USP46: variants seen among roughly 807,000 people sequenced by gnomAD.
The protein encoded by USP46 is ubiquitin specific peptidase 46.
In USP46, 12 loss-of-function variants were observed where a neutral mutation model predicts 44.4. That is an observed-to-expected ratio of 0.27 (90% CI 0.17 to 0.44). The LOEUF is 0.44. Ranked by LOEUF, USP46 falls within the 20% of genes least tolerant of loss-of-function variation. USP46 has a pLI of 1.00. For synonymous variants in USP46, 155 were observed against 161.5 expected, an observed-to-expected ratio of 0.96 and a Z score of 0.31; for missense variants, 248 against 444.8, an observed-to-expected ratio of 0.56 and a Z score of 3.98.
rs193057282 is a variant in USP46 at position 52,648,253 on chromosome 4, G to A, written c.36+10862C>T. ...AACAAATGGTGCTCCTCCAAGAGCC[G>A]ATTATTTGAGCCACTACAAAAAACC... On this transcript the variant is annotated intron_variant, in intron 1 of 8. Coordinates refer to ENST00000441222, the MANE Select transcript of USP46 (RefSeq NM_022832.4). 1.4e-3 allele frequency among the ~76,000 whole-genome samples: 208 copies of A among 152,296 alleles called. 1 individual carries two copies. The highest frequency in any genetic ancestry group is 2.5e-3 in the Non-Finnish European group (172 of 68,022).
intron 4 of USP46, among the ~76,000 whole-genome samples, chr4:52,625,011 T>C (rs1717521529): frequency 6.6e-6 from 1 of 152,142 alleles, no homozygotes; most frequent in Non-Finnish European, 1.5e-5. Flanking sequence ...CACAGGCTCT[T>C]TGCAAAATCT....
intron 5 of USP46, among the ~76,000 whole-genome samples, chr4:52,606,215 G>T (rs761343626): frequency 1.2e-4 from 19 of 152,178 alleles, no homozygotes; most frequent in Non-Finnish European, 2.4e-4. Context: ...AGAGAAAGAG[G>T]GAAAGTGTGC....
intron 1 of USP46, among the ~76,000 whole-genome samples, chr4:52,653,025 C>T (rs1011609903): frequency 2.6e-5 from 4 of 151,970 alleles, no homozygotes; most frequent in South Asian, 2.1e-4. Context: ...GAAGCTTTGG[C>T]GACCACAGAG....
In USP46 at chr4:52,592,070, T is replaced by TTGAGGC. The variant is rs1716041277; in HGVS notation, c.*5564_*5569dup. On this transcript the variant is annotated 3_prime_UTR_variant, in exon 9 of 9. Transcript: ENST00000441222. The stretch of plus-strand genomic sequence containing the variant: ...TTCATCCAACAGTGCCATCTGCATG[T>TTGAGGC]TGAGGCTGGGGCTGAATACCAAACT... 6.6e-6 allele frequency: 1 copy of TTGAGGC among 152,220 alleles called. No homozygotes were observed. Among genetic ancestry groups the TTGAGGC allele is most frequent in the Non-Finnish European group, 1.5e-5 (1 of 68,044 alleles). The allele number at this position is 152,220 out of a possible 1,614,324, so 9.4% of individuals were successfully genotyped here. A position where few individuals can be genotyped will look rare whatever the true frequency, so the allele number is the denominator to read the frequency against.
chr4:52,627,161 C>T (rs576600662), intron 3 of USP46, among the ~76,000 whole-genome samples: 53 of 152,324 alleles, frequency 3.5e-4, no homozygotes, highest in African/African-American at 1.2e-3. Flanking sequence ...GTTCACAACT[C>T]GACAGAGTGC....
At chr4:52,602,795 G>C (rs1005335657) in intron 6 of USP46, among the ~76,000 whole-genome samples, 2 of 152,186 alleles carry the variant, frequency 1.3e-5, no homozygotes, top group African/African-American at 4.8e-5. Context: ...GAGAAATCCT[G>C]CAGTAAAGGA....
At chr4:52,613,235 A>T (rs1056336439) in intron 4 of USP46, among the ~76,000 whole-genome samples, 1 of 152,168 alleles carries the variant, frequency 6.6e-6, no homozygotes, top group Non-Finnish European at 1.5e-5. Flanking sequence ...GAAAGAGGGT[A>T]TCTCCAACTC....
chr4:52,633,085 C>T (rs888072736), intron 1 of USP46, among the ~76,000 whole-genome samples: 1 of 152,146 alleles, frequency 6.6e-6, no homozygotes, highest in Admixed American at 6.5e-5. Context: ...TTATTTTGGA[C>T]TCACAACTGG....
At chr4:52,634,509 C>CAAA (rs1167932000) in intron 1 of USP46, among the ~76,000 whole-genome samples, 1 of 66,990 alleles carries the variant, frequency 1.5e-5, no homozygotes, top group African/African-American at 5.3e-5. Flanking sequence ...GACTTTGTCT[C>CAAA]AAAAAAAAAA....
intron 1 of USP46, among the ~76,000 whole-genome samples, chr4:52,644,873 T>C (rs1052848541): frequency 1.3e-5 from 2 of 151,718 alleles, no homozygotes; most frequent in Non-Finnish European, 2.9e-5. Flanking sequence ...CTAACCAATA[T>C]GGTGACACCC....
chr4:52,628,336 A>C, intron 2 of USP46, 173 bp from the exon 3 acceptor site: 1 of 591,114 alleles, frequency 1.7e-6, no homozygotes, highest in Non-Finnish European at 2.9e-6. Flanking sequence ...ACCAGTGACC[A>C]TCTGATCCAC....
intron 4 of USP46, among the ~76,000 whole-genome samples, chr4:52,618,642 G>A (rs948105180): frequency 3.9e-5 from 6 of 152,184 alleles, no homozygotes; most frequent in African/African-American, 1.4e-4. Flanking sequence ...TAGAAAAGGT[G>A]ATGAGGTGGC....
intron 4 of USP46, among the ~76,000 whole-genome samples, chr4:52,620,013 C>T (rs1717320947): frequency 6.6e-6 from 1 of 152,188 alleles, no homozygotes; most frequent in Non-Finnish European, 1.5e-5. Flanking sequence ...TTCTACAAAG[C>T]AAGTATAAAC....
intron 3 of USP46, among the ~76,000 whole-genome samples, chr4:52,627,580 C>A (rs1717642616): frequency 1.3e-5 from 2 of 152,180 alleles, no homozygotes; most frequent in Admixed American, 1.3e-4. Context: ...TCACCTATGA[C>A]AAGTTTATAA....
chr4:52,640,570 G>A (rs1185242866), intron 1 of USP46, among the ~76,000 whole-genome samples: 1 of 152,024 alleles, frequency 6.6e-6, no homozygotes, highest in Non-Finnish European at 1.5e-5. Context: ...GGAGGCCAAG[G>A]TGAGCGGATC....
chr4:52,645,021 C>A (rs1718493156), intron 1 of USP46, among the ~76,000 whole-genome samples: 1 of 152,018 alleles, frequency 6.6e-6, no homozygotes, highest in African/African-American at 2.4e-5. Flanking sequence ...CGTGCCATTG[C>A]ACTCCAGCCT....
In USP46 at chr4:52,631,137, T is replaced by C; in HGVS notation, c.44A>G (p.Asn15Ser). 5 of 1,558,238 alleles carry C rather than the reference T, an allele frequency of 3.2e-6. No individual in the cohort carries two copies. The highest frequency in any genetic ancestry group is 3.5e-6 in the Non-Finnish European group (4 of 1,149,410). Residue 15 changes from asparagine to serine, a missense_variant, in exon 2 of 9, where the codon AAT (asparagine) becomes AGT (serine). By Grantham distance (46) the Asn-to-Ser change is conservative. This residue lies in a region of USP46 where 31 missense variants were observed against 32.5 expected (regional missense o/e 0.96). Coordinates refer to ENST00000441222, the MANE Select transcript of USP46 (RefSeq NM_022832.4). ...NIASICNMGT[N>S]ASALEKDIGP... Reference sequence around the variant, plus strand: ...AATGTCTTTTTCCAGAGCAGAGGCATTGGTGCCCTAAAAGAGAAAAATAGC... The same window carrying C: ...AATGTCTTTTTCCAGAGCAGAGGCACTGGTGCCCTAAAAGAGAAAAATAGC...
At chr4:52,612,877 C>T (rs1193682421) in intron 4 of USP46, among the ~76,000 whole-genome samples, 1 of 152,164 alleles carries the variant, frequency 6.6e-6, no homozygotes, top group Non-Finnish European at 1.5e-5. Context: ...ACCACTTATC[C>T]TTTTATATGT....
chr4:52,616,715 CAGACCATGTGGAAGGACATA>C (rs1428861106), intron 4 of USP46, among the ~76,000 whole-genome samples: 1 of 152,130 alleles, frequency 6.6e-6, no homozygotes, highest in East Asian at 1.9e-4. Flanking sequence ...TTTACCAGGA[CAGACCATGTGGAAGGACATA>C]AGACATATCT....
Sources: gnomAD v4.1 joint callset for allele counts (sites outside exome capture counted in the v4.1 genomes callset) on GRCh38, gnomAD v4.1.1 for gene constraint, gnomAD v4.1.1 regional missense constraint, MANE v1.5 for transcripts, NCBI Gene and HGNC (gene_info 2026-07-23, HGNC 2026-07-21) for gene names.